Variants in ADGRB3 observed in about 807,000 individuals in gnomAD.
ADGRB3 encodes brain-specific angiogenesis inhibitor 3.
ADGRB3 carries 37 observed loss-of-function variants against 193.4 expected under a neutral mutation model. The ratio of observed to expected loss-of-function variants is 0.19; its 90% CI spans 0.15 to 0.25. ADGRB3 has a LOEUF of 0.25. Ranked by LOEUF, ADGRB3 falls within the 10% of genes least tolerant of loss-of-function variation. ADGRB3 has a pLI of 1.00. For synonymous variants in ADGRB3, 690 were observed against 644.2 expected (o/e 1.07, Z -1.08); for missense variants, 1,637 against 1,852.9 (o/e 0.88, Z 2.14).
intron 17 of ADGRB3, among the ~76,000 whole-genome samples, chr6:69,180,249 A>G (rs151331483): frequency 1.6e-4 from 24 of 152,114 alleles, no homozygotes; most frequent in African/African-American, 5.8e-4. Context: ...CTGCACATGA[A>G]TGGTGGGGTG....
At chr6:68,912,347 ATTATTTTATTTTATT>A (rs531118417) in intron 3 of ADGRB3, among the ~76,000 whole-genome samples, 3 of 150,292 alleles carry the variant, frequency 2.0e-5, no homozygotes, top group Non-Finnish European at 4.4e-5. Flanking sequence ...TTCTTTTTTT[ATTATTTTATTTTATT>A]TTATTTTATT....
intron 20 of ADGRB3, among the ~76,000 whole-genome samples, chr6:69,273,274 G>C (rs375104144): frequency 6.6e-6 from 1 of 152,134 alleles, no homozygotes; most frequent in Non-Finnish European, 1.5e-5. Context: ...TTCTGCTAGC[G>C]GAAGTTTACT....
chr6:68,881,272 C>T (rs190893342), intron 3 of ADGRB3, among the ~76,000 whole-genome samples: 5 of 151,926 alleles, frequency 3.3e-5, no homozygotes, highest in African/African-American at 1.2e-4. Context: ...AATCTTGCCT[C>T]CTTCTCATAT....
chr6:69,326,317 G>T (rs1276368883), intron 21 of ADGRB3, among the ~76,000 whole-genome samples: 1 of 152,106 alleles, frequency 6.6e-6, no homozygotes. Context: ...CCTGACAAAG[G>T]CCTTCTAAAG....
At chr6:68,739,924 C>T (rs564222035) in intron 3 of ADGRB3, among the ~76,000 whole-genome samples, 18 of 151,996 alleles carry the variant, frequency 1.2e-4, no homozygotes, top group Admixed American at 1.0e-3. Context: ...CTATTAGTAT[C>T]GAAAGGTTGT....
chr6:68,975,290 C>A lies in ADGRB3; in HGVS notation c.1684C>A (p.Pro562Thr). Residue 562 changes from proline (P) to threonine (T), a missense_variant, in exon 10 of 32, where the codon CCG (proline) becomes ACG (threonine). Physicochemically the swap from Pro to Thr is conservative, Grantham distance 38. This residue lies in a region of ADGRB3 where 641 missense variants were observed against 673.9 expected (regional missense o/e 0.95). Coordinates refer to ENST00000370598, the MANE Select transcript of ADGRB3 (RefSeq NM_001704.3). ...SLHGVAFWEQ[P>T]SFARCISNEY... is the part of the protein sequence containing the mutation. ...TCATGGAGTGGCCTTCTGGGAACAGCCGAGCTTTGCAAGATGCATATCAAA... is the reference window on the plus strand; with the variant it reads ...TCATGGAGTGGCCTTCTGGGAACAGACGAGCTTTGCAAGATGCATATCAAA... The A allele has an allele frequency of 6.2e-7, 1 of 1,614,078 alleles. No individual in the cohort carries two copies.
chr6:68,687,563 T>TA (rs754435797), intron 3 of ADGRB3, among the ~76,000 whole-genome samples: 129 of 152,070 alleles, frequency 8.5e-4, no homozygotes, highest in Non-Finnish European at 1.5e-3. Context: ...TCTTTTCAAA[T>TA]AAAAAAAATT....
chr6:69,363,446 C>A (rs1582658491), intron 29 of ADGRB3, among the ~76,000 whole-genome samples: 3 of 151,962 alleles, frequency 2.0e-5, no homozygotes, highest in Admixed American at 6.6e-5. Context: ...ATCCTCAAAT[C>A]ACTTTAAAAA....
At chr6:68,827,158 C>T (rs1479732656) in intron 3 of ADGRB3, among the ~76,000 whole-genome samples, 1 of 151,948 alleles carries the variant, frequency 6.6e-6, no homozygotes, top group Non-Finnish European at 1.5e-5. Context: ...TGACAGAAAG[C>T]CAGAAAGGCA....
chr6:68,730,226 T>C (rs1765746956), intron 3 of ADGRB3, among the ~76,000 whole-genome samples: 1 of 151,680 alleles, frequency 6.6e-6, no homozygotes. Context: ...TAAACAATTA[T>C]GTGACCTCAT....
intron 13 of ADGRB3, among the ~76,000 whole-genome samples, chr6:69,027,595 A>T (rs138015980): frequency 6.6e-6 from 1 of 152,322 alleles, no homozygotes; most frequent in African/African-American, 2.4e-5. Context: ...GCGCATGATT[A>T]TCATCTGATG....
chr6:68,639,790 A>G (rs1237607557), intron 3 of ADGRB3, among the ~76,000 whole-genome samples: 2 of 152,048 alleles, frequency 1.3e-5, no homozygotes, highest in African/African-American at 4.8e-5. Flanking sequence ...CCACATGTGA[A>G]GTGGATTTAT....
chr6:69,015,249 T>G (rs1211633536), intron 12 of ADGRB3, among the ~76,000 whole-genome samples: 1 of 151,982 alleles, frequency 6.6e-6, no homozygotes, highest in Non-Finnish European at 1.5e-5. Flanking sequence ...AAAACAAGAC[T>G]GCAATTTATC....
intron 3 of ADGRB3, among the ~76,000 whole-genome samples, chr6:68,756,925 G>A (rs1766308486): frequency 6.6e-6 from 1 of 152,124 alleles, no homozygotes; most frequent in African/African-American, 2.4e-5. Context: ...AGTTGGCAGT[G>A]CTGTTACCAG....
intron 17 of ADGRB3, among the ~76,000 whole-genome samples, chr6:69,129,738 G>A (rs1247080745): frequency 1.3e-5 from 2 of 152,170 alleles, no homozygotes; most frequent in African/African-American, 4.8e-5. Context: ...CAGGTCAGGT[G>A]TAAATGATGT....
chr6:68,943,676 G>A (rs910427185), intron 5 of ADGRB3, among the ~76,000 whole-genome samples, 154 bp from the exon 6 acceptor site: 7 of 152,154 alleles, frequency 4.6e-5, no homozygotes, highest in Middle Eastern at 3.4e-3. Flanking sequence ...ATTAATAATT[G>A]TATTTTATAA....
chr6:68,733,698 A>G (rs2127334399), intron 3 of ADGRB3, among the ~76,000 whole-genome samples: 1 of 151,968 alleles, frequency 6.6e-6, no homozygotes. Context: ...GTTAGTGGGT[A>G]CAAAAATAGA....
At chr6:68,863,937 A>T (rs1304142663) in intron 3 of ADGRB3, among the ~76,000 whole-genome samples, 1 of 152,210 alleles carries the variant, frequency 6.6e-6, no homozygotes, top group Non-Finnish European at 1.5e-5. Context: ...TATTGCATTT[A>T]TTCTAGATCT....
chr6:68,747,570 T>G (rs1261287245), intron 3 of ADGRB3, among the ~76,000 whole-genome samples: 1 of 152,344 alleles, frequency 6.6e-6, no homozygotes, highest in Admixed American at 6.5e-5. Flanking sequence ...TCCATATACT[T>G]AGCATAATTC....
Sources: allele counts gnomAD v4.1 joint callset (sites outside exome capture counted in the v4.1 genomes callset), GRCh38; gene constraint gnomAD v4.1.1; regional missense constraint gnomAD v4.1.1; transcripts MANE v1.5; gene names NCBI Gene and HGNC (gene_info 2026-07-23, HGNC 2026-07-21).